LAMA1: variants seen among roughly 807,000 people sequenced by gnomAD.
The protein encoded by LAMA1 is laminin subunit alpha 1.
A neutral mutation model predicts 348.7 loss-of-function variants in LAMA1; 219 were observed. That is an observed-to-expected ratio of 0.63 (90% CI 0.56 to 0.70). The LOEUF (loss-of-function observed/expected upper bound fraction) is 0.70, where lower values mean the gene tolerates loss of function less well. Among genes scored for constraint, LAMA1 ranks in the 30% least tolerant of loss-of-function variants. LAMA1 has a pLI of 0.00. For missense variants in LAMA1, 3,744 were observed against 3,888.0 expected (o/e 0.96, Z 0.99); for synonymous variants, 1,487 against 1,491.0 (o/e 1.00, Z 0.06).
Position 7,058,466 on chromosome 18 carries a change from G to A in LAMA1, c.346-7530C>T, listed in dbSNP as rs76666582. 1.5e-4 allele frequency among the ~76,000 whole-genome samples: 23 copies of A among 152,252 alleles called. No individual in the cohort carries two copies. In the East Asian group the frequency reaches 4.4e-3, roughly 29 times the overall value. ...CCTGTTATGGGCTGAACTGTTTCCC[G>A]CAAAAGTCATACATTGAAGTTCTAA... On this transcript the variant is annotated intron_variant, in intron 3 of 62. Transcript: ENST00000389658.
chr18:7,107,895 T>A (rs1272391477), intron 1 of LAMA1, among the ~76,000 whole-genome samples: 2 of 151,806 alleles, frequency 1.3e-5, no homozygotes, highest in African/African-American at 2.4e-5. Context: ...GTGCCTGTAG[T>A]CCCAGCTACT....
chr18:6,967,066 G>A (rs901286058), intron 48 of LAMA1, among the ~76,000 whole-genome samples: 1 of 152,158 alleles, frequency 6.6e-6, no homozygotes, highest in South Asian at 2.1e-4. Context: ...AATTTGAACT[G>A]TTCCCAGTTA....
intron 36 of LAMA1, among the ~76,000 whole-genome samples, chr18:6,986,562 T>C (rs2057736602): frequency 1.3e-5 from 2 of 151,832 alleles, no homozygotes; most frequent in Admixed American, 6.6e-5. Flanking sequence ...GTCTTTTTTT[T>C]TTTTTAGTGG....
intron 9 of LAMA1, among the ~76,000 whole-genome samples, chr18:7,040,633 G>A (rs1166301799): frequency 1.3e-5 from 2 of 152,188 alleles, no homozygotes; most frequent in Non-Finnish European, 2.9e-5. Context: ...GTTGCCATAA[G>A]ATCCAGCAAC....
At chr18:7,099,277 G>T (rs535741502) in intron 1 of LAMA1, among the ~76,000 whole-genome samples, 1 of 150,222 alleles carries the variant, frequency 6.7e-6, no homozygotes, top group Admixed American at 6.7e-5. Flanking sequence ...CAGCATGCTC[G>T]TTAAGAGTCA....
chr18:6,975,292 T>G (rs2057676886), intron 45 of LAMA1, among the ~76,000 whole-genome samples: 1 of 151,406 alleles, frequency 6.6e-6, no homozygotes, highest in African/African-American at 2.4e-5. Flanking sequence ...TCCCACAGAG[T>G]CCCCAGGAAA....
intron 23 of LAMA1, among the ~76,000 whole-genome samples, chr18:7,012,339 T>G (rs1247603645): frequency 6.6e-6 from 1 of 151,996 alleles, no homozygotes; most frequent in African/African-American, 2.4e-5. Flanking sequence ...ACACAGATGA[T>G]TAACAGAATC....
At chr18:6,983,475 G>A (rs1387293229) in intron 39 of LAMA1, among the ~76,000 whole-genome samples, 1 of 152,150 alleles carries the variant, frequency 6.6e-6, no homozygotes, top group Admixed American at 6.5e-5. Context: ...TACCCAAGAA[G>A]AGACTATTGC....
chr18:7,027,358 A>AGATAATGAT, intron 16 of LAMA1, among the ~76,000 whole-genome samples: 1 of 152,364 alleles, frequency 6.6e-6, no homozygotes, highest in African/African-American at 2.4e-5. Context: ...ATAGGTAGAC[A>AGATAATGAT]GATAATGATA....
chr18:7,036,119 A>C, intron 12 of LAMA1, 31 bp from the exon 13 acceptor site: 2 of 1,468,996 alleles, frequency 1.4e-6, no homozygotes, highest in East Asian at 2.3e-5. Flanking sequence ...TGAACACGAA[A>C]GGGGAAGACA....
chr18:7,051,506 T>C (rs1355796854), intron 3 of LAMA1, among the ~76,000 whole-genome samples: 1 of 152,222 alleles, frequency 6.6e-6, no homozygotes, highest in Non-Finnish European at 1.5e-5. Context: ...AATCTCCTAG[T>C]AGCATTTGTT....
At chr18:6,972,134 T>C (rs1209510506) in intron 47 of LAMA1, 153 bp from the exon 48 acceptor site, 5 of 773,498 alleles carry the variant, frequency 6.5e-6, no homozygotes, top group Non-Finnish European at 1.1e-5. Context: ...TTGTAATCAC[T>C]GGATTTCCTT....
chr18:7,038,736 C>T, intron 11 of LAMA1, 74 bp downstream of exon 11: 1 of 1,594,698 alleles, frequency 6.3e-7, no homozygotes, highest in Admixed American at 1.7e-5. Flanking sequence ...TCATTTCCTC[C>T]TCACACAGCT....
chr18:6,966,884 G>A (rs959824664), intron 48 of LAMA1, among the ~76,000 whole-genome samples: 1 of 152,202 alleles, frequency 6.6e-6, no homozygotes, highest in Non-Finnish European at 1.5e-5. Context: ...GCATTTTCAG[G>A]TGAGTGTGTT....
chr18:6,953,385 TTTA>T (rs2057558970), intron 57 of LAMA1, among the ~76,000 whole-genome samples: 1 of 152,248 alleles, frequency 6.6e-6, no homozygotes, highest in South Asian at 2.1e-4. Context: ...ATTCTTCTAT[TTTA>T]TTATTATTGT....
intron 35 of LAMA1, 35 bp downstream of exon 35, chr18:6,993,606 C>T (rs1362113780): frequency 2.2e-6 from 3 of 1,394,124 alleles, no homozygotes; most frequent in Non-Finnish European, 3.1e-6. Flanking sequence ...ACTAGATAAG[C>T]ACAGATACTT....
chr18:6,942,023 A>G lies in LAMA1; in HGVS notation c.*56T>C. On this transcript the variant is annotated 3_prime_UTR_variant, in exon 63 of 63. Coordinates refer to ENST00000389658, the MANE Select transcript of LAMA1 (RefSeq NM_005559.4). Reference sequence around the variant, plus strand: ...AACTGAAGAGATTCTTAATTCACACATACACTTCTCCTCAAAATATTAGCA... The same window carrying G: ...AACTGAAGAGATTCTTAATTCACACGTACACTTCTCCTCAAAATATTAGCA... 1 of 1,596,740 alleles carries G rather than the reference A, an allele frequency of 6.3e-7. No homozygotes were observed. The highest frequency in any genetic ancestry group is 8.6e-7 in the Non-Finnish European group (1 of 1,165,344).
At chr18:7,001,782 T>C (rs1215232459) in intron 30 of LAMA1, among the ~76,000 whole-genome samples, 1 of 152,228 alleles carries the variant, frequency 6.6e-6, no homozygotes, top group African/African-American at 2.4e-5. Flanking sequence ...CAGGTAATTC[T>C]GTACAAGCAT....
In LAMA1 at chr18:6,950,836, T is replaced by C; in HGVS notation, c.8343A>G (p.Lys2781=). 1.2e-6 allele frequency: 2 copies of C among 1,614,150 alleles called. No individual in the cohort carries two copies. Among genetic ancestry groups the C allele is most frequent in the Non-Finnish European group, 1.7e-6 (2 of 1,180,018 alleles). The change falls in exon 58 of 63, where the codon AAA becomes AAG. Residue 2781 remains lysine, a synonymous_variant. Transcript: ENST00000389658. ...CAGGGTGAGAGACCTTTGTTCTGCC[T>C]TTGCCAAGGTCAAACATGAAGTGGA... ...GRLHFMFDLG[K]GRTKVSHPAL... is the part of the protein sequence containing the mutation.
Sources: gnomAD v4.1 joint callset for allele counts (sites outside exome capture counted in the v4.1 genomes callset) on GRCh38, gnomAD v4.1.1 for gene constraint, MANE v1.5 for transcripts, NCBI Gene and HGNC (gene_info 2026-07-23, HGNC 2026-07-21) for gene names.